CACNA1H: variants seen among roughly 807,000 people sequenced by gnomAD.
The protein encoded by CACNA1H is voltage-dependent T-type calcium channel subunit alpha-1H.
CACNA1H carries 149 observed loss-of-function variants against 192.5 expected under a neutral mutation model. That is an observed-to-expected ratio of 0.77 (90% confidence interval 0.68 to 0.89). The LOEUF is 0.89. Ranked by LOEUF, CACNA1H falls within the 40% of genes least tolerant of loss-of-function variation. The pLI is 0.00. For missense variants in CACNA1H, 4,257 were observed against 3,423.5 expected (o/e 1.24, Z -6.08); for synonymous variants, 2,202 against 1,475.2 (o/e 1.49, Z -11.29).
intron 2 of CACNA1H, among the ~76,000 whole-genome samples, chr16:1,158,546 G>T (rs987705221): frequency 6.6e-6 from 1 of 152,216 alleles, no homozygotes; most frequent in Non-Finnish European, 1.5e-5. Flanking sequence ...TCTTGTTCCC[G>T]CCAGGAAGTG....
Position 1,153,359 on chromosome 16 carries a change from C to CCGGGGCCGGGGG in CACNA1H, c.-125_-124insCCGGGGGCGGGG, listed in dbSNP as rs1961826174. 1 of 141,840 alleles carries CCGGGGCCGGGGG rather than the reference C, an allele frequency of 7.1e-6. No individual in the cohort carries two copies. The highest frequency in any genetic ancestry group is 2.5e-5 in the African/African-American group (1 of 39,250). The allele number at this position is 141,840 out of a possible 1,614,324, so 8.8% of individuals were successfully genotyped here. A position where few individuals can be genotyped will look rare whatever the true frequency, so the allele number is the denominator to read the frequency against. On this transcript the variant is annotated 5_prime_UTR_variant, in exon 1 of 35. Transcript: ENST00000348261. ...GAGGCGCTGGGGGCCGGGGCCGGGG[C>CCGGGGCCGGGGG]CGGGGGCGGAGGCGCTGGGGGCCGG... is the stretch of plus-strand genomic sequence containing the variant.
chr16:1,168,660 G>A (rs1247761251), intron 2 of CACNA1H, among the ~76,000 whole-genome samples: 1 of 152,046 alleles, frequency 6.6e-6, no homozygotes, highest in Non-Finnish European at 1.5e-5. Flanking sequence ...CGGCCGAGTT[G>A]GCCCTGTGTC....
chr16:1,157,997 A>ACCCTTGCCCGTGGCG (rs969352460), intron 2 of CACNA1H: 40 of 149,402 alleles, frequency 2.7e-4, no homozygotes, highest in African/African-American at 9.0e-4. Context: ...TGCCCGTGGC[A>ACCCTTGCCCGTGGCG]CCCTTGCCCG....
chr16:1,154,262 G>T (rs1243565994), intron 2 of CACNA1H, among the ~76,000 whole-genome samples: 1 of 152,120 alleles, frequency 6.6e-6, no homozygotes, highest in African/African-American at 2.4e-5. Flanking sequence ...CTTCCCCAGG[G>T]CCGGCTCCGG....
intron 2 of CACNA1H, among the ~76,000 whole-genome samples, chr16:1,156,521 A>G (rs1305262237): frequency 2.0e-5 from 3 of 149,994 alleles, no homozygotes; most frequent in African/African-American, 7.4e-5. Flanking sequence ...TGGGAGGGGG[A>G]GGCTTTGCAG....
rs370194175 is a variant in CACNA1H, at chr16:1,173,332, C to T, written c.299+19296C>T. Among the ~76,000 whole-genome samples, 41 of 152,208 alleles carry T rather than the reference C, an allele frequency of 2.7e-4. No homozygotes were observed. In the South Asian group the frequency reaches 3.7e-3, roughly 14 times the overall value. ...CCAGAGCCCTGGGGTAGTGGGATGC[C>T]CTTCCGGAGTGTGGGATGAGGCGTG... is the stretch of plus-strand genomic sequence containing the variant. On this transcript the variant is annotated intron_variant, in intron 2 of 34. Transcript: ENST00000348261.
At position 1,216,921 on chromosome 16, in the gene CACNA1H, C is replaced by G. The variant is rs150441087; in HGVS notation, c.5245-11C>G. On this transcript the variant is annotated splice_polypyrimidine_tract_variant and intron_variant, in intron 30 of 34. Coordinates refer to ENST00000348261, the MANE Select transcript of CACNA1H (RefSeq NM_021098.3). ...GCCCGTCTGACCCAGCTCTGCTTCTCTCTTGTGTAGGTGGGGAACCTGGGC... is the reference window on the plus strand; with the variant it reads ...GCCCGTCTGACCCAGCTCTGCTTCTGTCTTGTGTAGGTGGGGAACCTGGGC... 150 of 1,597,468 alleles carry G rather than the reference C, an allele frequency of 9.4e-5. No individual in the cohort carries two copies. Among genetic ancestry groups the G allele is most frequent in the Non-Finnish European group, 1.2e-4 (138 of 1,171,840 alleles).
At chr16:1,211,114 C>T (rs1326756499) in intron 21 of CACNA1H, 54 bp from the exon 22 acceptor site, 54 of 1,594,140 alleles carry the variant, frequency 3.4e-5, no homozygotes, top group South Asian at 4.5e-5. Context: ...GCTCTGCCGG[C>T]GCCTGGCAGC....
intron 6 of CACNA1H, among the ~76,000 whole-genome samples, chr16:1,199,541 G>A (rs1016006699): frequency 1.4e-5 from 2 of 147,642 alleles, no homozygotes; most frequent in East Asian, 2.0e-4. Context: ...CAGCCCCCAA[G>A]ACAGGTTAGT....
At chr16:1,170,606 C>T (rs1356857062) in intron 2 of CACNA1H, among the ~76,000 whole-genome samples, 1 of 152,188 alleles carries the variant, frequency 6.6e-6, no homozygotes, top group Admixed American at 6.5e-5. Flanking sequence ...GTCTCCCCTG[C>T]ATGAGTGATC....
At chr16:1,161,222 G>A (rs536525109) in intron 2 of CACNA1H, among the ~76,000 whole-genome samples, 13 of 152,354 alleles carry the variant, frequency 8.5e-5, no homozygotes, top group African/African-American at 3.1e-4. Context: ...TGATGGGAGC[G>A]AAGCTGTTCC....
rs1234215698 is a variant in CACNA1H, at chr16:1,206,159, C to T, written c.2659C>T (p.Arg887Trp). 3.2e-6 allele frequency: 5 copies of T among 1,585,254 alleles called. No homozygotes were observed. The highest frequency in any genetic ancestry group is 4.3e-6 in the Non-Finnish European group (5 of 1,167,684). The change falls in exon 12 of 35, where the codon CGG (arginine) becomes TGG (tryptophan). Residue 887 changes from arginine to tryptophan, a missense_variant. Transcript: ENST00000348261. ...DGGLSVLRTF[R>W]LLRVLKLVRF... ...TGGCTTGTCTGTGCTGCGCACCTTC[C>T]GGCTGCTGCGTGTGCTGAAGCTGGT...
In CACNA1H at chr16:1,212,495, C is replaced by G. The variant is rs762530169; in HGVS notation, c.4760-16C>G. Reference sequence around the variant, plus strand: ...GCCACGCCCTCGGCCCTCAGACCATCTCCTTGTCTTTCCAGGCACTTTCCC... The same window carrying G: ...GCCACGCCCTCGGCCCTCAGACCATGTCCTTGTCTTTCCAGGCACTTTCCC... On this transcript the variant is annotated splice_polypyrimidine_tract_variant and intron_variant, in intron 25 of 34. Transcript: ENST00000348261. 2.5e-6 allele frequency: 4 copies of G among 1,610,452 alleles called. No homozygotes were observed. The highest frequency in any genetic ancestry group is 2.5e-6 in the Non-Finnish European group (3 of 1,178,882).
chr16:1,201,858 A>G lies in CACNA1H; in HGVS notation c.1408A>G (p.Lys470Glu). 1 of 1,561,662 alleles carries G rather than the reference A, an allele frequency of 6.4e-7. No homozygotes were observed. Among genetic ancestry groups the G allele is most frequent in the Non-Finnish European group, 8.7e-7 (1 of 1,153,796 alleles). ...LLKYVGHIFRKVKRRSLRLYA... is the reference protein window; with the variant it reads ...LLKYVGHIFREVKRRSLRLYA... ...GAAGTACGTGGGCCACATATTCCGCAAGGTCAAGCGGCGCAGCTTGCGCCT... is the reference window on the plus strand; with the variant it reads ...GAAGTACGTGGGCCACATATTCCGCGAGGTCAAGCGGCGCAGCTTGCGCCT... The change falls in exon 9 of 35, where the codon AAG becomes GAG. Residue 470 changes from lysine to glutamate, a missense_variant. By Grantham distance (56) the Lys-to-Glu change is moderately conservative (BLOSUM62 1). Coordinates refer to ENST00000348261, the MANE Select transcript of CACNA1H (RefSeq NM_021098.3).
rs148938897 is a variant in CACNA1H, at chr16:1,219,504, C to T, written c.6048+374C>T. 4.8e-3 allele frequency among the ~76,000 whole-genome samples: 730 copies of T among 152,314 alleles called. 6 individuals are homozygous for T. Among genetic ancestry groups the T allele is most frequent in the African/African-American group, 0.017 (689 of 41,568 alleles). On this transcript the variant is annotated intron_variant, in intron 34 of 34. Transcript: ENST00000348261. The stretch of plus-strand genomic sequence containing the variant: ...TCAGGCCCCATGTGGGCATGGGTCC[C>T]GTGGTGGGCAGACAGCGGCTTTTTC...
chr16:1,163,659 T>C (rs1567438653), intron 2 of CACNA1H, among the ~76,000 whole-genome samples: 1 of 152,208 alleles, frequency 6.6e-6, no homozygotes. Context: ...TTGAAATGGA[T>C]GGGAACTTGT....
Position 1,186,182 on chromosome 16 carries a change from G to A in CACNA1H, c.300-8790G>A, listed in dbSNP as rs569650444. 5.4e-4 allele frequency among the ~76,000 whole-genome samples: 82 copies of A among 151,890 alleles called. 3 individuals are homozygous for A. The highest frequency in any genetic ancestry group is 1.0e-3 in the Non-Finnish European group (68 of 67,818). The stretch of plus-strand genomic sequence containing the variant: ...GGCGTGCGTAGGGGCCGGAGGCGGG[G>A]TGTGTGCAGGGCCAGGGTGTACCGT... On this transcript the variant is annotated intron_variant, in intron 2 of 34. Coordinates refer to ENST00000348261, the MANE Select transcript of CACNA1H (RefSeq NM_021098.3).
intron 31 of CACNA1H, 92 bp downstream of exon 31, chr16:1,217,102 A>C (rs1311066917): frequency 1.1e-5 from 13 of 1,142,150 alleles, no homozygotes; most frequent in Non-Finnish European, 1.7e-5. Flanking sequence ...CATGCTTGCA[A>C]ATAGCGTGGG....
chr16:1,199,634 TCTC>T (rs578018817), intron 6 of CACNA1H, among the ~76,000 whole-genome samples: 294 of 141,680 alleles, frequency 2.1e-3, no homozygotes, highest in African/African-American at 7.8e-3. Context: ...CTCTGCAGTC[TCTC>T]CTCAGCCCTC....
Sources: allele counts gnomAD v4.1 joint callset (sites outside exome capture counted in the v4.1 genomes callset), GRCh38; gene constraint gnomAD v4.1.1; transcripts MANE v1.5; gene names NCBI Gene and HGNC (gene_info 2026-07-23, HGNC 2026-07-21).